Variants in CPSF4 observed in about 807,000 individuals in gnomAD.
CPSF4 encodes the protein cleavage and polyadenylation specific factor 4, also known as cleavage and polyadenylation specificity factor subunit 4.
CPSF4 carries 11 observed loss-of-function variants against 37.7 expected under a neutral mutation model. The observed-to-expected ratio is 0.29, with a 90% confidence interval of 0.18 to 0.48. The LOEUF (loss-of-function observed/expected upper bound fraction) is 0.48. Ranked by LOEUF, CPSF4 falls within the 20% of genes least tolerant of loss-of-function variation. The probability of loss-of-function intolerance (pLI) is 0.99; values close to 1 mark genes in which losing one functional copy is unlikely to be tolerated. For synonymous variants in CPSF4, 132 were observed against 135.9 expected, an observed-to-expected ratio of 0.97 and a Z score of 0.20; for missense variants, 144 against 359.5, an observed-to-expected ratio of 0.40 and a Z score of 4.85.
intron 1 of CPSF4, among the ~76,000 whole-genome samples, chr7:99,440,375 G>A (rs1796795022): frequency 6.6e-6 from 1 of 150,678 alleles, no homozygotes; most frequent in Non-Finnish European, 1.5e-5. Flanking sequence ...TTTTGAGACA[G>A]GGGCCCCTCT....
At chr7:99,447,832 G>C (rs750706964) in intron 2 of CPSF4, 2 of 492,280 alleles carry the variant, frequency 4.1e-6, no homozygotes, top group African/African-American at 1.9e-5. Context: ...GGATGGTCTC[G>C]ATCTCCTGAC....
At position 99,448,455 on chromosome 7, in the gene CPSF4, A is replaced by ACC; in HGVS notation, c.307+182_307+183insCC. 4.2e-6 allele frequency: 2 copies of ACC among 475,790 alleles called. No homozygotes were observed. The allele number at this position is 475,790 out of a possible 1,614,324, so 29.5% of individuals were successfully genotyped here. A position where few individuals can be genotyped will look rare whatever the true frequency, so the allele number is the denominator to read the frequency against. ...GGGACAGTGTGGCTATTTTCTGCTC[A>ACC]TCTCTTTTTTTTTTTTTTTTTTTTT... On this transcript the variant is annotated intron_variant, in intron 3 of 7. Transcript: ENST00000292476. This position sits in a 1 kb window ranked among gnomAD's most constrained non-coding sequence, Gnocchi z 4.4.
chr7:99,452,688 A>T (rs2151011240), intron 6 of CPSF4: 1 of 493,440 alleles, frequency 2.0e-6, no homozygotes, highest in East Asian at 3.4e-5. Context: ...GGCGCCGTGC[A>T]ACTGGCCACC....
chr7:99,441,739 C>G (rs767336096), intron 1 of CPSF4, among the ~76,000 whole-genome samples: 11 of 152,050 alleles, frequency 7.2e-5, no homozygotes, highest in Middle Eastern at 6.8e-3. Flanking sequence ...GTTACCCAGG[C>G]TGGAGCACAG....
chr7:99,455,087 A>G (rs45461000), intron 7 of CPSF4, among the ~76,000 whole-genome samples: 12,801 of 152,198 alleles, frequency 0.084, 851 homozygotes, highest in African/African-American at 0.19. Flanking sequence ...GAAGTGGGGC[A>G]CTGTGTAGAG....
chr7:99,441,472 G>A (rs1357547771), intron 1 of CPSF4: 7 of 456,090 alleles, frequency 1.5e-5, no homozygotes, highest in Admixed American at 2.4e-5. Context: ...CTCCACACTC[G>A]CTGCTTGTCC....
rs1562852973 is a variant in CPSF4, at chr7:99,440,676, T to TATATATA, written c.103+1491_103+1492insATATATA. On this transcript the variant is annotated intron_variant, in intron 1 of 7. Coordinates refer to ENST00000292476, the MANE Select transcript of CPSF4 (RefSeq NM_006693.4). ...CTGGCATATATATATATATATATATTTTTTTTTTTTTTTTTTTCCTGCCTG... is the reference window on the plus strand; with the variant it reads ...CTGGCATATATATATATATATATATTATATATATTTTTTTTTTTTTTTTTCCTGCCTG... 3.6e-3 allele frequency among the ~76,000 whole-genome samples: 223 copies of TATATATA among 62,106 alleles called. 2 individuals carry two copies. The highest frequency in any genetic ancestry group is 0.031 in the African/African-American group (205 of 6,558). The allele number at this position is 62,106 out of a possible 152,430, so 40.7% of individuals were successfully genotyped here.
intron 1 of CPSF4, among the ~76,000 whole-genome samples, chr7:99,444,013 T>A (rs1797267824): frequency 6.6e-6 from 1 of 152,188 alleles, no homozygotes; most frequent in Non-Finnish European, 1.5e-5. Flanking sequence ...GACTAGCATC[T>A]CAGAGGCACT....
intron 1 of CPSF4, among the ~76,000 whole-genome samples, chr7:99,439,837 G>A (rs1388600802): frequency 1.3e-5 from 2 of 152,030 alleles, no homozygotes; most frequent in African/African-American, 4.8e-5. Flanking sequence ...TCCCTTCTAG[G>A]ACTCACTCTC....
At chr7:99,454,198 A>C (rs1798136457) in intron 7 of CPSF4, 62 bp downstream of exon 7, 2 of 1,392,466 alleles carry the variant, frequency 1.4e-6, no homozygotes, top group Non-Finnish European at 2.0e-6. Flanking sequence ...CCATTCCCTC[A>C]TGCCCCATGT....
In CPSF4 at chr7:99,447,945, G is replaced by A. The variant is rs1584501905; in HGVS notation, c.155-176G>A. On this transcript the variant is annotated intron_variant, in intron 2 of 7. Coordinates refer to ENST00000292476, the MANE Select transcript of CPSF4 (RefSeq NM_006693.4). ...ATTAAAATGTAAAATGTCTGTCAGT[G>A]TAGTACCTCAAATCATGTTGCCTTC... is the stretch of plus-strand genomic sequence containing the variant. The A allele has an allele frequency of 1.3e-5, 8 of 638,182 alleles. No homozygotes were observed. In the East Asian group the frequency reaches 2.2e-4, roughly 18 times the overall value. The allele number at this position is 638,182 out of a possible 1,614,324, so 39.5% of individuals were successfully genotyped here. A position where few individuals can be genotyped will look rare whatever the true frequency, so the allele number is the denominator to read the frequency against.
intron 1 of CPSF4, chr7:99,443,300 C>T: frequency 3.6e-6 from 3 of 831,526 alleles, no homozygotes; most frequent in Non-Finnish European, 6.4e-6. Flanking sequence ...TCCTATTTGA[C>T]AAGGGGTTTT....
intron 1 of CPSF4, among the ~76,000 whole-genome samples, chr7:99,443,884 A>C (rs1409884957): frequency 6.6e-6 from 1 of 151,896 alleles, no homozygotes; most frequent in Non-Finnish European, 1.5e-5. Context: ...GCACCACCAC[A>C]CTCTAGCCTG....
rs1337348069 is a variant in CPSF4, at chr7:99,455,065, TAA to T, written c.741+932_741+933del. On this transcript the variant is annotated intron_variant, in intron 7 of 7. Coordinates refer to ENST00000292476, the MANE Select transcript of CPSF4 (RefSeq NM_006693.4). ...CTGAGACTCTTTGTCTCCAAAAAAA[TAA>T]AAGAGCATGGAAGTGGGGCACTGTG... 2.6e-5 allele frequency among the ~76,000 whole-genome samples: 4 copies of T among 152,118 alleles called. No individual in the cohort carries two copies. The South Asian group carries it at 6.2e-4, about 24-fold the overall frequency.
chr7:99,452,013 G>A (rs1797965447), intron 5 of CPSF4, among the ~76,000 whole-genome samples: 2 of 152,208 alleles, frequency 1.3e-5, no homozygotes, highest in African/African-American at 2.4e-5. Context: ...AAGACCCTGC[G>A]GGGAGGGGGG....
intron 7 of CPSF4, 110 bp downstream of exon 7, chr7:99,454,246 G>C (rs1798140484): frequency 4.7e-6 from 5 of 1,067,626 alleles, no homozygotes; most frequent in Admixed American, 5.5e-5. Flanking sequence ...ATTCATTTTT[G>C]CTGATTGTAA....
chr7:99,454,890 A>T (rs545225728), intron 7 of CPSF4, among the ~76,000 whole-genome samples: 1 of 152,164 alleles, frequency 6.6e-6, no homozygotes, highest in Non-Finnish European at 1.5e-5. Flanking sequence ...ATGAGTCCAG[A>T]TTAAAAATCA....
At chr7:99,442,655 C>CAAAAAAAAAAAA (rs751146641) in intron 1 of CPSF4, among the ~76,000 whole-genome samples, 12 of 52,428 alleles carry the variant, frequency 2.3e-4, no homozygotes, top group Non-Finnish European at 4.0e-4. Flanking sequence ...GACTCCGTCT[C>CAAAAAAAAAAAA]AAAAAAAAAA....
intron 2 of CPSF4, 184 bp from the exon 3 acceptor site, chr7:99,447,933 ATGTC>A: frequency 1.6e-6 from 1 of 628,642 alleles, no homozygotes; most frequent in South Asian, 1.8e-5. Flanking sequence ...AAAATGTAAA[ATGTC>A]TGTCAGTGTA....
Sources: allele counts gnomAD v4.1 joint callset (sites outside exome capture counted in the v4.1 genomes callset), GRCh38; gene constraint gnomAD v4.1.1; non-coding constraint Gnocchi (gnomAD v3.1); transcripts MANE v1.5; gene names NCBI Gene and HGNC (gene_info 2026-07-23, HGNC 2026-07-21).